PRTFDC1: variants seen among roughly 807,000 people sequenced by gnomAD.
PRTFDC1 encodes phosphoribosyltransferase domain-containing protein 1.
In PRTFDC1, 38 loss-of-function variants were observed where a neutral mutation model predicts 34.6. That is an observed-to-expected ratio of 1.10 (90% confidence interval 0.85 to 1.44). The LOEUF (loss-of-function observed/expected upper bound fraction) is 1.44, where lower values mean the gene tolerates loss of function less well. Among genes scored for constraint, PRTFDC1 ranks in the 40% most tolerant of loss-of-function variants. The pLI, the probability that PRTFDC1 is intolerant of heterozygous loss-of-function variation, is 0.00. For missense variants in PRTFDC1, 270 were observed against 283.0 expected, an observed-to-expected ratio of 0.95 and a Z score of 0.33; for synonymous variants, 93 against 98.1, an observed-to-expected ratio of 0.95 and a Z score of 0.31.
At chr10:24,885,733 T>C (rs1388544971) in intron 3 of PRTFDC1, among the ~76,000 whole-genome samples, 2 of 152,178 alleles carry the variant, frequency 1.3e-5, no homozygotes, top group African/African-American at 2.4e-5. Context: ...TGCTAAACTA[T>C]GGAAACAACC....
chr10:24,888,902 T>C (rs569308071), intron 3 of PRTFDC1, among the ~76,000 whole-genome samples: 1 of 152,338 alleles, frequency 6.6e-6, no homozygotes, highest in Non-Finnish European at 1.5e-5. Context: ...GCTGGAATAA[T>C]TGACTTAACC....
intron 3 of PRTFDC1, among the ~76,000 whole-genome samples, chr10:24,916,947 A>G (rs1485246248): frequency 6.6e-6 from 1 of 152,134 alleles, no homozygotes; most frequent in African/African-American, 2.4e-5. Context: ...TTACAGTCCA[A>G]TTACCATATA....
At chr10:24,894,641 G>A (rs980524556) in intron 3 of PRTFDC1, among the ~76,000 whole-genome samples, 2 of 152,196 alleles carry the variant, frequency 1.3e-5, no homozygotes, top group East Asian at 1.9e-4. Flanking sequence ...CCTGCTCTGC[G>A]ATCCCCAGGG....
intron 3 of PRTFDC1, among the ~76,000 whole-genome samples, chr10:24,918,516 A>G (rs1403751948): frequency 6.6e-6 from 1 of 152,084 alleles, no homozygotes; most frequent in Admixed American, 6.6e-5. Context: ...TCCTGGGCTC[A>G]TGGGATCCTC....
intron 3 of PRTFDC1, chr10:24,908,829 C>G (rs573768653): frequency 1.5e-6 from 2 of 1,291,378 alleles, no homozygotes; most frequent in African/African-American, 1.5e-5. Context: ...TCCAAATAGC[C>G]CATTTGATTC....
intron 8 of PRTFDC1, 28 bp from the exon 9 acceptor site, chr10:24,849,919 C>A: frequency 1.2e-6 from 2 of 1,611,184 alleles, no homozygotes; most frequent in South Asian, 2.2e-5. Context: ...TTAAACGCAT[C>A]AGTTTCTTAA....
At chr10:24,883,581 T>C (rs1355069512) in intron 3 of PRTFDC1, among the ~76,000 whole-genome samples, 2 of 152,176 alleles carry the variant, frequency 1.3e-5, no homozygotes, top group African/African-American at 4.8e-5. Flanking sequence ...TTCAGCCGCA[T>C]TGCTTTACAT....
chr10:24,879,635 A>G (rs1848031849), intron 3 of PRTFDC1, among the ~76,000 whole-genome samples: 1 of 152,190 alleles, frequency 6.6e-6, no homozygotes, highest in Non-Finnish European at 1.5e-5. Context: ...GGAATGAGCC[A>G]CCATGCCCAG....
Position 24,851,384 on chromosome 10 carries a change from T to C in PRTFDC1, c.630+4A>G, listed in dbSNP as rs1407732890. On this transcript the variant is annotated splice_donor_region_variant and intron_variant, in intron 8 of 8. Transcript: ENST00000320152. Reference sequence around the variant, plus strand: ...GCGGTTAGGGATTTGCATGCAAGACTTACATTCAGATCTCTGAAGTATTCA... The same window carrying C: ...GCGGTTAGGGATTTGCATGCAAGACCTACATTCAGATCTCTGAAGTATTCA... 1.2e-6 allele frequency: 2 copies of C among 1,600,740 alleles called. No individual in the cohort carries two copies. Among genetic ancestry groups the C allele is most frequent in the Non-Finnish European group, 1.7e-6 (2 of 1,176,748 alleles).
chr10:24,864,561 T>C (rs938465872), intron 4 of PRTFDC1, among the ~76,000 whole-genome samples: 3 of 152,208 alleles, frequency 2.0e-5, no homozygotes, highest in Non-Finnish European at 2.9e-5. Flanking sequence ...CAGATGATCA[T>C]TAGCATTGTT....
Position 24,849,814 on chromosome 10 carries a change from C to T in PRTFDC1, c.*30G>A. On this transcript the variant is annotated 3_prime_UTR_variant, in exon 9 of 9. Transcript: ENST00000320152. ...AGTACAGGCGTAAATATGATGCTAT[C>T]TGGGACTTTAGTGGTGAGAATTCAT... The T allele has an allele frequency of 1.2e-6, 2 of 1,610,178 alleles. No individual in the cohort carries two copies. Among genetic ancestry groups the T allele is most frequent in the Non-Finnish European group, 8.5e-7 (1 of 1,176,622 alleles).
intron 3 of PRTFDC1, among the ~76,000 whole-genome samples, chr10:24,881,732 G>A (rs1424143389): frequency 6.6e-6 from 1 of 152,142 alleles, no homozygotes; most frequent in African/African-American, 2.4e-5. Flanking sequence ...GATAAACATT[G>A]TTAATTACCA....
At chr10:24,879,186 T>C (rs145394496) in intron 3 of PRTFDC1, among the ~76,000 whole-genome samples, 31 of 152,272 alleles carry the variant, frequency 2.0e-4, no homozygotes, top group Non-Finnish European at 4.1e-4. Context: ...CGTTTTCCAA[T>C]CACTCGTTGA....
At chr10:24,920,592 C>A (rs1848773325) in intron 3 of PRTFDC1, among the ~76,000 whole-genome samples, 1 of 152,152 alleles carries the variant, frequency 6.6e-6, no homozygotes. Context: ...GGCTTAATAC[C>A]TAGGTGATGG....
chr10:24,893,981 T>G (rs1457279353), intron 3 of PRTFDC1, among the ~76,000 whole-genome samples: 3 of 152,132 alleles, frequency 2.0e-5, no homozygotes, highest in Non-Finnish European at 2.9e-5. Context: ...GCAGAGGAGG[T>G]GCAGAAACTG....
chr10:24,911,971 T>C (rs111909021), intron 3 of PRTFDC1, among the ~76,000 whole-genome samples: 2,903 of 151,512 alleles, frequency 0.019, 105 homozygotes, highest in African/African-American at 0.067. Context: ...GTGGGTTTAC[T>C]TTATAAGAAA....
At chr10:24,940,166 T>C (rs1192520043) in intron 2 of PRTFDC1, among the ~76,000 whole-genome samples, 5 of 152,198 alleles carry the variant, frequency 3.3e-5, no homozygotes, top group East Asian at 1.9e-4. Context: ...TCAGTAAGCA[T>C]ATAGTTGAAC....
At chr10:24,902,015 T>G (rs1171528061) in intron 3 of PRTFDC1, among the ~76,000 whole-genome samples, 2 of 151,984 alleles carry the variant, frequency 1.3e-5, no homozygotes, top group Admixed American at 1.3e-4. Context: ...TAGGAGGTGG[T>G]GGAGAACAGA....
chr10:24,853,615 A>G (rs566171241), intron 7 of PRTFDC1, among the ~76,000 whole-genome samples: 2 of 152,110 alleles, frequency 1.3e-5, no homozygotes, highest in Non-Finnish European at 2.9e-5. Flanking sequence ...AATAATAATA[A>G]TAATATGAGC....
Sources: gnomAD v4.1 joint callset for allele counts (sites outside exome capture counted in the v4.1 genomes callset) on GRCh38, gnomAD v4.1.1 for gene constraint, MANE v1.5 for transcripts, NCBI Gene and HGNC (gene_info 2026-07-23, HGNC 2026-07-21) for gene names.